The following SUMF1 variants were observed in gnomAD, a reference collection of about 807,000 sequenced individuals.
SUMF1 encodes the protein formylglycine-generating enzyme.
A neutral mutation model predicts 47.6 loss-of-function variants in SUMF1; 48 were observed. The observed-to-expected ratio is 1.01, with a 90% CI of 0.80 to 1.28. The LOEUF (loss-of-function observed/expected upper bound fraction) is 1.28. Ranked by LOEUF, SUMF1 falls within the 50% of genes most tolerant of loss-of-function variation. The pLI, the probability that SUMF1 is intolerant of heterozygous loss-of-function variation, is 0.00. For synonymous variants in SUMF1, 230 were observed against 192.1 expected, an observed-to-expected ratio of 1.20 and a Z score of -1.63; for missense variants, 571 against 485.4, an observed-to-expected ratio of 1.18 and a Z score of -1.66.
chr3:4,151,127 G>T (rs1694309487), intron 8 of SUMF1, among the ~76,000 whole-genome samples: 1 of 150,912 alleles, frequency 6.6e-6, no homozygotes, highest in South Asian at 2.1e-4. Context: ...GTCAGTCTAG[G>T]GGTTTCATGC....
At position 4,039,172 on chromosome 3, in the gene SUMF1, A is replaced by G. The variant is rs181635403; in HGVS notation, c.1191+29397T>C. ...TAATCCATATCCTAAAAATGGATCT[A>G]TAACTTCCTTCAAGCATGCCTGAAA... is the stretch of plus-strand genomic sequence containing the variant. On this transcript the variant is annotated intron_variant and NMD_transcript_variant, in intron 9 of 12. Coordinates refer to the SUMF1 transcript ENST00000448413. Among the ~76,000 whole-genome samples the G allele has an allele frequency of 1.1e-4, 15 of 132,604 alleles. No individual in the cohort carries two copies. In the East Asian group the frequency reaches 3.6e-3, roughly 32 times the overall value. 87.0% of individuals were successfully genotyped at this position (132,604 alleles called of 152,430 possible).
At position 4,144,108 on chromosome 3, in the gene SUMF1, A is replaced by G. The variant is rs372576880; in HGVS notation, c.1015-75363T>C. On this transcript the variant is annotated intron_variant and NMD_transcript_variant, in intron 8 of 12. Coordinates refer to the SUMF1 transcript ENST00000448413. ...TGGGCTCAAGCAATCTAGGACCACA[A>G]GTAGGCACCACCATACCTGGCTAAT... Among the ~76,000 whole-genome samples, 14 of 151,380 alleles carry G rather than the reference A, an allele frequency of 9.2e-5. 2 individuals carry two copies. The highest frequency in any genetic ancestry group is 6.6e-5 in the Admixed American group (1 of 15,158).
chr3:4,122,103 A>G (rs1190068590), intron 8 of SUMF1, among the ~76,000 whole-genome samples: 2 of 152,028 alleles, frequency 1.3e-5, no homozygotes, highest in African/African-American at 4.8e-5. Context: ...CATTTTCTTT[A>G]TATAGTCTGA....
chr3:4,133,627 T>G (rs1480532989), intron 8 of SUMF1, among the ~76,000 whole-genome samples: 1 of 152,020 alleles, frequency 6.6e-6, no homozygotes, highest in Non-Finnish European at 1.5e-5. Context: ...AAAGAGAGAC[T>G]GGCCTAGCCT....
rs181861563 is a variant in SUMF1, at chr3:4,420,111, G to A, written c.555C>T (p.Gly185=). The A allele has an allele frequency of 7.4e-6, 12 of 1,614,018 alleles. No individual in the cohort carries two copies. The highest frequency in any genetic ancestry group is 2.7e-5 in the African/African-American group (2 of 75,014). The change falls in exon 4 of 9, where the codon GGC becomes GGT. Residue 185 remains glycine, a synonymous_variant. Transcript: ENST00000272902. ...AAAPWWLPVK[G]ANWRHPEGPD... is the part of the protein sequence containing the mutation. ...GCCCTTCTGGGTGTCTCCAGTTAGC[G>A]CCTTTCACAGGTAACCACCAGGGAG... is the stretch of plus-strand genomic sequence containing the variant.
intron 8 of SUMF1, among the ~76,000 whole-genome samples, chr3:4,370,573 A>G (rs1700138077): frequency 6.6e-6 from 1 of 152,192 alleles, no homozygotes; most frequent in Non-Finnish European, 1.5e-5. Context: ...AACTGTTGGG[A>G]TCTGCCCAAA....
Position 4,175,517 on chromosome 3 carries a change from C to A in SUMF1, c.1015-106772G>T, listed in dbSNP as rs182015781. Among the ~76,000 whole-genome samples, 176 of 152,252 alleles carry A rather than the reference C, an allele frequency of 1.2e-3. 3 individuals carry two copies. Among genetic ancestry groups the A allele is most frequent in the East Asian group, 9.6e-4 (5 of 5,182 alleles). ...AACATCAACAAAAAGGTCATCTACACCAAAACCCCATCTGTAGGTGACCAA... is the reference window on the plus strand; with the variant it reads ...AACATCAACAAAAAGGTCATCTACAACAAAACCCCATCTGTAGGTGACCAA... On this transcript the variant is annotated intron_variant and NMD_transcript_variant, in intron 8 of 12. Coordinates refer to the SUMF1 transcript ENST00000448413.
chr3:4,365,399 T>C (rs77579843), intron 8 of SUMF1, among the ~76,000 whole-genome samples: 62 of 113,470 alleles, frequency 5.5e-4, no homozygotes, highest in East Asian at 9.2e-4. Flanking sequence ...TCTGGGTGCT[T>C]CTGTATTGGG....
At chr3:4,131,836 C>G (rs956528855) in intron 8 of SUMF1, among the ~76,000 whole-genome samples, 1 of 152,144 alleles carries the variant, frequency 6.6e-6, no homozygotes, top group East Asian at 1.9e-4. Context: ...GGGGACACCA[C>G]TCAGCCTCTT....
intron 8 of SUMF1, among the ~76,000 whole-genome samples, chr3:4,127,630 T>G (rs1406895744): frequency 6.6e-6 from 1 of 152,146 alleles, no homozygotes; most frequent in Admixed American, 6.6e-5. Context: ...GCAGACAGCC[T>G]ATTGTGGGAC....
At chr3:4,428,512 C>T (rs557407709) in intron 3 of SUMF1, among the ~76,000 whole-genome samples, 1 of 152,208 alleles carries the variant, frequency 6.6e-6, no homozygotes, top group Admixed American at 6.5e-5. Flanking sequence ...TGCCACCACA[C>T]TTGGCTAATT....
At chr3:4,386,863 G>A (rs563599496) in intron 7 of SUMF1, among the ~76,000 whole-genome samples, 1 of 146,330 alleles carries the variant, frequency 6.8e-6, no homozygotes. Flanking sequence ...TAATCATGTG[G>A]TTTTTTTTTT....
chr3:4,308,844 ACT>A (rs35417807), intron 8 of SUMF1, among the ~76,000 whole-genome samples: 14,692 of 152,250 alleles, frequency 0.096, 872 homozygotes, highest in Non-Finnish European at 0.13. Flanking sequence ...AAAGAGTCAA[ACT>A]CTGCAAAATA....
At chr3:4,304,214 C>T (rs13100091) in intron 8 of SUMF1, 43,487 of 153,100 alleles carry the variant, frequency 0.28, 7,338 homozygotes, top group Non-Finnish European at 0.39. Flanking sequence ...CGATCTCGGC[C>T]CACCGCAACC....
chr3:4,415,140 T>C (rs945379349), intron 6 of SUMF1, among the ~76,000 whole-genome samples: 4 of 143,730 alleles, frequency 2.8e-5, no homozygotes, highest in African/African-American at 1.1e-4. Flanking sequence ...GGCAGGAGAA[T>C]CACTTGAACC....
At chr3:4,113,527 G>A (rs765407234) in intron 8 of SUMF1, among the ~76,000 whole-genome samples, 6 of 151,484 alleles carry the variant, frequency 4.0e-5, no homozygotes, top group Non-Finnish European at 5.9e-5. Flanking sequence ...CCCTGTCACC[G>A]CCCCCCACCC....
At chr3:4,106,458 T>C (rs567394373) in intron 8 of SUMF1, among the ~76,000 whole-genome samples, 4 of 152,274 alleles carry the variant, frequency 2.6e-5, no homozygotes, top group Non-Finnish European at 4.4e-5. Context: ...TAATGCCTCA[T>C]TGTAGGTAAT....
At chr3:4,375,265 T>C (rs1700292274) in intron 8 of SUMF1, among the ~76,000 whole-genome samples, 1 of 151,910 alleles carries the variant, frequency 6.6e-6, no homozygotes, top group Admixed American at 6.6e-5. Flanking sequence ...GATTAAAAAT[T>C]CTAAGAAATA....
At chr3:4,362,599 T>C (rs944185910) in intron 8 of SUMF1, among the ~76,000 whole-genome samples, 2 of 152,222 alleles carry the variant, frequency 1.3e-5, no homozygotes, top group Non-Finnish European at 2.9e-5. Flanking sequence ...TTACATAGTA[T>C]TTAATGACAC....
Sources: gnomAD v4.1 joint callset for allele counts (sites outside exome capture counted in the v4.1 genomes callset) on GRCh38, gnomAD v4.1.1 for gene constraint, MANE v1.5 for transcripts, NCBI Gene and HGNC (gene_info 2026-07-23, HGNC 2026-07-21) for gene names.